MOCS1: variants seen among roughly 807,000 people sequenced by gnomAD.
The protein encoded by MOCS1 is molybdenum cofactor biosynthesis protein 1.
MOCS1 carries 39 observed loss-of-function variants against 57.6 expected under a neutral mutation model. That is an observed-to-expected ratio of 0.68 (90% confidence interval 0.52 to 0.88). MOCS1 has a LOEUF of 0.88. Ranked by LOEUF, MOCS1 falls within the 40% of genes least tolerant of loss-of-function variation. The pLI, the probability that MOCS1 is intolerant of heterozygous loss-of-function variation, is 0.00. For synonymous variants in MOCS1, 334 were observed against 335.7 expected, an observed-to-expected ratio of 1.00 and a Z score of 0.05; for missense variants, 795 against 831.1, an observed-to-expected ratio of 0.96 and a Z score of 0.53.
intron 1 of MOCS1, among the ~76,000 whole-genome samples, chr6:39,933,474 G>A (rs1017590735): frequency 3.3e-5 from 5 of 152,078 alleles, no homozygotes; most frequent in Admixed American, 2.0e-4. Flanking sequence ...GTGATCTTAT[G>A]AATCCCAGGA....
rs755322625 is a variant in MOCS1, at chr6:39,909,074, G to A, written c.1131C>T (p.Asn377=). 26 of 1,608,214 alleles carry A rather than the reference G, an allele frequency of 1.6e-5. No homozygotes were observed. Among genetic ancestry groups the A allele is most frequent in the Non-Finnish European group, 2.2e-5 (26 of 1,177,490 alleles). ...ACCCACCGATGAGGATCATGGGCCG[G>A]TTCTTCATCTGGGAAATACTGAACA... ...AGMFSISQMK[N]RPMILIELFL... Residue 377 remains asparagine, a synonymous_variant, in exon 10 of 11, where the codon AAC becomes AAT. Transcript: ENST00000340692.
In MOCS1 at chr6:39,909,865, C is replaced by T. The variant is rs1182751590; in HGVS notation, c.1072G>A (p.Ala358Thr). 2.5e-6 allele frequency: 4 copies of T among 1,613,720 alleles called. No individual in the cohort carries two copies. The highest frequency in any genetic ancestry group is 1.1e-5 in the South Asian group (1 of 91,092). The change falls in exon 9 of 11, where the codon GCT becomes ACT. Residue 358 changes from alanine to threonine, a missense_variant. Ala to Thr is a moderately conservative substitution (Grantham distance 58, BLOSUM62 0). Transcript: ENST00000340692. ...TGCTGCCGCTTCTTCCTGCCCACAG[C>T]AGCCCCAATGATTCTCAGCAGCTCC... ...EQELLRIIGA[A>T]VGRKKRQHAG...
intron 8 of MOCS1, 129 bp downstream of exon 8, chr6:39,912,135 A>G (rs541204869): frequency 5.2e-6 from 4 of 766,624 alleles, no homozygotes; most frequent in East Asian, 5.1e-5. Flanking sequence ...CAAACCTGAC[A>G]TTATTGCACC....
intron 1 of MOCS1, among the ~76,000 whole-genome samples, chr6:39,929,824 C>A (rs1444067035): frequency 6.6e-6 from 1 of 151,514 alleles, no homozygotes; most frequent in Non-Finnish European, 1.5e-5. Context: ...AGTCTGTAAT[C>A]CCAGCTACTC....
At chr6:39,922,513 C>T (rs970112027) in intron 3 of MOCS1, among the ~76,000 whole-genome samples, 2 of 152,170 alleles carry the variant, frequency 1.3e-5, no homozygotes, top group African/African-American at 4.8e-5. Context: ...AGATAGGACA[C>T]CCATGCTCTA....
At chr6:39,927,243 A>G (rs911998352) in intron 2 of MOCS1, 86 bp downstream of exon 2, 2 of 1,531,952 alleles carry the variant, frequency 1.3e-6, no homozygotes, top group African/African-American at 2.7e-5. Context: ...TGGAGGACAC[A>G]GGAGGATTTC....
intron 2 of MOCS1, among the ~76,000 whole-genome samples, chr6:39,926,405 T>C (rs1768304337): frequency 6.6e-6 from 1 of 151,780 alleles, no homozygotes; most frequent in Non-Finnish European, 1.5e-5. Context: ...TACTTGTTCA[T>C]GGTGAGGTAT....
rs886061379 is a variant in MOCS1 at position 39,904,646 on chromosome 6, C to T, written c.*1711G>A. ...TGAATGGGGAAGGGTCTGTTCCAGC[C>T]TCTCCCTACTCCCATCCCATTTCCA... On this transcript the variant is annotated 3_prime_UTR_variant, in exon 11 of 11. Transcript: ENST00000340692. 1 of 454,122 alleles carries T rather than the reference C, an allele frequency of 2.2e-6. No individual in the cohort carries two copies. Among genetic ancestry groups the T allele is most frequent in the South Asian group, 1.6e-5 (1 of 64,464 alleles). 28.1% of individuals were successfully genotyped at this position (454,122 alleles called of 1,614,324 possible).
chr6:39,916,032 C>T (rs1445850757), intron 4 of MOCS1, 36 bp downstream of exon 4: 1 of 1,571,840 alleles, frequency 6.4e-7, no homozygotes, highest in Admixed American at 1.8e-5. Flanking sequence ...TGTGCAGGCC[C>T]TGGGAGGGAC....
chr6:39,907,443 G>A (rs970650058), intron 10 of MOCS1, among the ~76,000 whole-genome samples: 1 of 152,094 alleles, frequency 6.6e-6, no homozygotes. Flanking sequence ...GCACCAAGTT[G>A]AGGCCTGGAT....
intron 3 of MOCS1, among the ~76,000 whole-genome samples, chr6:39,918,903 A>G (rs1328745628): frequency 6.6e-6 from 1 of 152,088 alleles, no homozygotes; most frequent in Admixed American, 6.5e-5. Flanking sequence ...TTTCACTCTG[A>G]CTCTACCAAT....
chr6:39,922,426 C>T (rs1768022379), intron 3 of MOCS1, among the ~76,000 whole-genome samples: 2 of 152,124 alleles, frequency 1.3e-5, no homozygotes, highest in Admixed American at 1.3e-4. Flanking sequence ...ATTTTTAGCT[C>T]ATCAGCTATC....
chr6:39,905,089 C>T lies in MOCS1; in HGVS notation c.*1268G>A, dbSNP rs1766771753. 2 of 454,252 alleles carry T rather than the reference C, an allele frequency of 4.4e-6. No homozygotes were observed. Among genetic ancestry groups the T allele is most frequent in the South Asian group, 1.6e-5 (1 of 64,478 alleles). 28.1% of individuals were successfully genotyped at this position (454,252 alleles called of 1,614,324 possible). ...GAGCTGGTTGTTTAATATTTGCCAG[C>T]ACACCTTGGCATAGGGCAGAGGGGA... On this transcript the variant is annotated 3_prime_UTR_variant, in exon 11 of 11. Transcript: ENST00000340692.
Position 39,913,435 on chromosome 6 carries a change from G to A in MOCS1, c.646-7C>T, listed in dbSNP as rs752335102. ...GCATCACCACACAGTTCACCTGGCCGGGGAACAATGGGACCATGAGGGCTG... is the reference window on the plus strand; with the variant it reads ...GCATCACCACACAGTTCACCTGGCCAGGGAACAATGGGACCATGAGGGCTG... On this transcript the variant is annotated splice_region_variant and splice_polypyrimidine_tract_variant and intron_variant, in intron 5 of 10. Transcript: ENST00000340692. 52 of 1,611,390 alleles carry A rather than the reference G, an allele frequency of 3.2e-5. No homozygotes were observed. The highest frequency in any genetic ancestry group is 7.7e-5 in the South Asian group (7 of 91,030).
At position 39,906,103 on chromosome 6, in the gene MOCS1, C is replaced by T. The variant is rs952192372; in HGVS notation, c.*254G>A. On this transcript the variant is annotated 3_prime_UTR_variant, in exon 11 of 11. Transcript: ENST00000340692. ...TATCTGGCATTGCTTGTTGCAGTCC[C>T]GCTCCCACGACCTTAGTGTCCTGGA... is the stretch of plus-strand genomic sequence containing the variant. 1.2e-5 allele frequency: 8 copies of T among 663,450 alleles called. No homozygotes were observed. Among genetic ancestry groups the T allele is most frequent in the African/African-American group, 7.1e-5 (4 of 55,964 alleles). The allele number at this position is 663,450 out of a possible 1,614,324, so 41.1% of individuals were successfully genotyped here.
intron 4 of MOCS1, among the ~76,000 whole-genome samples, chr6:39,915,379 C>G (rs968403845): frequency 3.3e-5 from 5 of 152,138 alleles, no homozygotes; most frequent in Non-Finnish European, 7.3e-5. Context: ...CTCCCTGCCA[C>G]CCCTCTGATC....
At chr6:39,909,734 C>T (rs898545702) in intron 9 of MOCS1, 101 bp downstream of exon 9, 4 of 1,532,452 alleles carry the variant, frequency 2.6e-6, no homozygotes, top group African/African-American at 2.7e-5. Flanking sequence ...CCAGCTTCCC[C>T]CTAGGTGTTC....
intron 5 of MOCS1, 45 bp from the exon 6 acceptor site, chr6:39,913,473 T>A (rs749807093): frequency 6.4e-7 from 1 of 1,558,888 alleles, no homozygotes; most frequent in Non-Finnish European, 8.8e-7. Flanking sequence ...CCCCCTGCAT[T>A]CTTTTGTGGA....
chr6:39,925,972 C>G, intron 2 of MOCS1, 127 bp from the exon 3 acceptor site: 1 of 993,916 alleles, frequency 1.0e-6, no homozygotes, highest in Non-Finnish European at 1.5e-6. Context: ...TGAGCGGAGA[C>G]CTCACTAAAC....
Sources: gnomAD v4.1 joint callset for allele counts (sites outside exome capture counted in the v4.1 genomes callset) on GRCh38, gnomAD v4.1.1 for gene constraint, MANE v1.5 for transcripts, NCBI Gene and HGNC (gene_info 2026-07-23, HGNC 2026-07-21) for gene names.